The following HS6ST1 variants were observed in gnomAD, a reference collection of about 807,000 sequenced individuals.
HS6ST1 encodes the protein heparan sulfate 6-O-sulfotransferase 1.
In HS6ST1, 3 loss-of-function variants were observed where a neutral mutation model predicts 25.2. The observed-to-expected ratio is 0.12, with a 90% CI of 0.05 to 0.31. HS6ST1 has a LOEUF of 0.31. HS6ST1 is among the 10% of genes least tolerant of loss of function. The pLI is 1.00. For synonymous variants in HS6ST1, 204 were observed against 275.1 expected, an observed-to-expected ratio of 0.74 and a Z score of 2.56; for missense variants, 310 against 609.6, an observed-to-expected ratio of 0.51 and a Z score of 5.18.
chr2:128,286,745 C>T (rs780270591), intron 1 of HS6ST1, among the ~76,000 whole-genome samples: 30 of 152,246 alleles, frequency 2.0e-4, no homozygotes, highest in Non-Finnish European at 4.1e-4. Flanking sequence ...TCCCTAACAA[C>T]GTCTGCAAGC....
At position 128,268,298 on chromosome 2, in the gene HS6ST1, C is replaced by T. The variant is rs376288417; in HGVS notation, c.1100G>A (p.Arg367His). 39 of 1,612,954 alleles carry T rather than the reference C, an allele frequency of 2.4e-5. No homozygotes were observed. The highest frequency in any genetic ancestry group is 1.7e-4 in the Admixed American group (10 of 60,008). The change falls in exon 2 of 2, where the codon CGC (arginine) becomes CAC (histidine). Residue 367 changes from arginine (R) to histidine (H), a missense_variant. By Grantham distance (29) the Arg-to-His change is conservative (BLOSUM62 0). Transcript: ENST00000259241. ...GCGGCTCCTCAGGCGCTGCTCCCTG[C>T]GCTCCAGCTGCCGCTTGTACTGGTA... ...QRYQYKRQLE[R>H]REQRLRSREE... is the part of the protein sequence containing the mutation.
At chr2:128,316,776 A>AC (rs1694371157) in intron 1 of HS6ST1, among the ~76,000 whole-genome samples, 1 of 151,892 alleles carries the variant, frequency 6.6e-6, no homozygotes, top group Non-Finnish European at 1.5e-5. Context: ...CAACTCTAGG[A>AC]CCCCAATTTC....
intron 1 of HS6ST1, among the ~76,000 whole-genome samples, chr2:128,312,889 G>A (rs937355768): frequency 9.9e-5 from 15 of 152,014 alleles, no homozygotes; most frequent in East Asian, 1.9e-4. Context: ...GTGAAACCCC[G>A]TCTTTACTAA....
intron 1 of HS6ST1, among the ~76,000 whole-genome samples, chr2:128,311,098 T>A (rs1694284067): frequency 6.6e-6 from 1 of 152,168 alleles, no homozygotes; most frequent in African/African-American, 2.4e-5. Context: ...CAGCTCACTG[T>A]CATTTGGCTG....
intron 1 of HS6ST1, among the ~76,000 whole-genome samples, chr2:128,269,996 G>A (rs372619866): frequency 1.3e-5 from 2 of 152,218 alleles, no homozygotes; most frequent in African/African-American, 4.8e-5. Context: ...TCCCTGCAGG[G>A]AGGGAGGCAC....
intron 1 of HS6ST1, among the ~76,000 whole-genome samples, chr2:128,311,808 C>G (rs1694293809): frequency 6.6e-6 from 1 of 152,192 alleles, no homozygotes; most frequent in African/African-American, 2.4e-5. Flanking sequence ...TCCTGCAGGG[C>G]TGATCCTCCC....
rs112076722 is a variant in HS6ST1, at chr2:128,304,352, G to A, written c.527+13685C>T. ...GAGCCTTTAGAAACTGGGTCTCCCT[G>A]TGTGGGTGCTCCCCAGGGACAGAGA... On this transcript the variant is annotated intron_variant, in intron 1 of 1. Transcript: ENST00000259241. Among the ~76,000 whole-genome samples, 201 of 152,318 alleles carry A rather than the reference G, an allele frequency of 1.3e-3. No homozygotes were observed. In the Middle Eastern group the frequency reaches 0.017, roughly 13 times the overall value.
chr2:128,265,666 G>A lies in HS6ST1; in HGVS notation c.*2496C>T, dbSNP rs1693499524. The A allele has an allele frequency of 6.6e-6, 1 of 152,152 alleles. No homozygotes were observed. Among genetic ancestry groups the A allele is most frequent in the Non-Finnish European group, 1.5e-5 (1 of 68,030 alleles). 9.4% of individuals were successfully genotyped at this position (152,152 alleles called of 1,614,324 possible). A position where few individuals can be genotyped will look rare whatever the true frequency, so the allele number is the denominator to read the frequency against. ...AAGCTTTAAACAATCCTGGGTTCAA[G>A]TTAAACAGTTCCAGTTCCCGAAAAG... On this transcript the variant is annotated 3_prime_UTR_variant, in exon 2 of 2. Coordinates refer to ENST00000259241, the MANE Select transcript of HS6ST1 (RefSeq NM_004807.3).
At chr2:128,284,566 A>G (rs1406417590) in intron 1 of HS6ST1, among the ~76,000 whole-genome samples, 5 of 143,168 alleles carry the variant, frequency 3.5e-5, no homozygotes, top group African/African-American at 1.3e-4. Flanking sequence ...CAGTGGCGTG[A>G]TCTTGGTCAC....
intron 1 of HS6ST1, among the ~76,000 whole-genome samples, chr2:128,316,435 G>A (rs533986467): frequency 3.3e-5 from 5 of 152,358 alleles, no homozygotes; most frequent in African/African-American, 9.6e-5. Flanking sequence ...GACCAACTCT[G>A]GGAGCCTACT....
intron 1 of HS6ST1, among the ~76,000 whole-genome samples, chr2:128,312,697 G>C (rs1449478175): frequency 6.6e-6 from 1 of 152,174 alleles, no homozygotes; most frequent in African/African-American, 2.4e-5. Flanking sequence ...TGTACTCATT[G>C]GGCAAGGCTT....
intron 1 of HS6ST1, among the ~76,000 whole-genome samples, chr2:128,280,054 C>A (rs1308158402): frequency 6.6e-6 from 1 of 152,206 alleles, no homozygotes; most frequent in Non-Finnish European, 1.5e-5. Flanking sequence ...TTCAGGAGGA[C>A]GCCAAAGCTG....
At chr2:128,292,377 C>G (rs1357488141) in intron 1 of HS6ST1, among the ~76,000 whole-genome samples, 1 of 152,210 alleles carries the variant, frequency 6.6e-6, no homozygotes, top group East Asian at 1.9e-4. Flanking sequence ...CGCCCAGCTA[C>G]CCACCCAACA....
At chr2:128,273,319 C>T (rs572968273) in intron 1 of HS6ST1, among the ~76,000 whole-genome samples, 1 of 152,208 alleles carries the variant, frequency 6.6e-6, no homozygotes, top group African/African-American at 2.4e-5. Flanking sequence ...GTTCTGTCCC[C>T]TAGACACGGC....
chr2:128,308,249 G>A (rs1467597301), intron 1 of HS6ST1, among the ~76,000 whole-genome samples: 2 of 152,182 alleles, frequency 1.3e-5, no homozygotes, highest in Non-Finnish European at 2.9e-5. Flanking sequence ...CCTGCGAGCC[G>A]CACCCAGCTA....
chr2:128,271,611 G>C (rs572246307), intron 1 of HS6ST1, among the ~76,000 whole-genome samples: 11 of 152,296 alleles, frequency 7.2e-5, no homozygotes, highest in Middle Eastern at 3.4e-3. Context: ...GCTCAGTTCT[G>C]TCCGCCCCTG....
chr2:128,304,146 G>A (rs1020874945), intron 1 of HS6ST1, among the ~76,000 whole-genome samples: 1 of 152,234 alleles, frequency 6.6e-6, no homozygotes, highest in Non-Finnish European at 1.5e-5. Flanking sequence ...GCAGATGGCA[G>A]ATCTCGGGTC....
chr2:128,275,230 G>C (rs367829496), intron 1 of HS6ST1, among the ~76,000 whole-genome samples: 2 of 152,170 alleles, frequency 1.3e-5, no homozygotes, highest in African/African-American at 4.8e-5. Context: ...GGTTTTGAAG[G>C]CATCATCATG....
intron 1 of HS6ST1, 35 bp from the exon 2 acceptor site, chr2:128,268,905 G>C (rs759405879): frequency 1.9e-6 from 3 of 1,561,928 alleles, no homozygotes; most frequent in Non-Finnish European, 2.6e-6. Context: ...TGAGGGCTGT[G>C]ACGCAGCATG....
Sources: allele counts gnomAD v4.1 joint callset (sites outside exome capture counted in the v4.1 genomes callset), GRCh38; gene constraint gnomAD v4.1.1; transcripts MANE v1.5; gene names NCBI Gene and HGNC (gene_info 2026-07-23, HGNC 2026-07-21).